DDAH1: variants seen among roughly 807,000 people sequenced by gnomAD.
The protein encoded by DDAH1 is dimethylarginine dimethylaminohydrolase 1.
DDAH1 carries 19 observed loss-of-function variants against 28.8 expected under a neutral mutation model. The ratio of observed to expected loss-of-function variants is 0.66; its 90% confidence interval spans 0.46 to 0.97. DDAH1 has a LOEUF of 0.97. Ranked by LOEUF, DDAH1 falls within the 50% of genes least tolerant of loss-of-function variation. The probability of loss-of-function intolerance (pLI) is 0.00; values close to 1 mark genes in which losing one functional copy is unlikely to be tolerated. For missense variants in DDAH1, 326 were observed against 375.9 expected (o/e 0.87, Z 1.10); for synonymous variants, 153 against 154.4 (o/e 0.99, Z 0.07).
At chr1:85,572,721 G>A (rs1659496304) in intron 1 of DDAH1, among the ~76,000 whole-genome samples, 1 of 152,136 alleles carries the variant, frequency 6.6e-6, no homozygotes, top group African/African-American at 2.4e-5. Flanking sequence ...CTGATTCCTG[G>A]GGCACTTGAG....
intron 1 of DDAH1, among the ~76,000 whole-genome samples, chr1:85,437,232 C>A (rs922737723): frequency 8.5e-5 from 13 of 152,172 alleles, no homozygotes; most frequent in African/African-American, 2.7e-4. Context: ...GGCATGTCCA[C>A]ACAGTGATGA....
chr1:85,346,251 C>G (rs1371622955), intron 4 of DDAH1, among the ~76,000 whole-genome samples: 1 of 152,112 alleles, frequency 6.6e-6, no homozygotes, highest in Non-Finnish European at 1.5e-5. Flanking sequence ...GTAATATGCC[C>G]TTTAAAGAGA....
chr1:85,462,532 T>C (rs1336982960), intron 1 of DDAH1, among the ~76,000 whole-genome samples: 1 of 152,186 alleles, frequency 6.6e-6, no homozygotes, highest in Non-Finnish European at 1.5e-5. Flanking sequence ...AGACATCACA[T>C]GAAAAAAATA....
Position 85,351,586 on chromosome 1 carries a change from T to C in DDAH1, c.404-7A>G, listed in dbSNP as rs376771526. On this transcript the variant is annotated splice_polypyrimidine_tract_variant and splice_region_variant and intron_variant, in intron 2 of 5. Coordinates refer to ENST00000284031, the MANE Select transcript of DDAH1 (RefSeq NM_012137.4). Reference sequence around the variant, plus strand: ...CCCACAAAAAATTCTCTGCCTGTAATAGATGTCATGGAACATAGTGAGCAG... The same window carrying C: ...CCCACAAAAAATTCTCTGCCTGTAACAGATGTCATGGAACATAGTGAGCAG... The C allele has an allele frequency of 1.7e-3, 2,723 of 1,612,422 alleles. 68 individuals are homozygous for C. The South Asian group carries it at 0.027, about 16-fold the overall frequency.
intron 4 of DDAH1, among the ~76,000 whole-genome samples, chr1:85,328,180 C>G (rs12029474): frequency 6.6e-6 from 1 of 152,186 alleles, no homozygotes; most frequent in African/African-American, 2.4e-5. Context: ...GTGGTCCTAA[C>G]TCAAATGACT....
At chr1:85,573,781 T>C (rs980663830) in intron 1 of DDAH1, among the ~76,000 whole-genome samples, 5 of 152,174 alleles carry the variant, frequency 3.3e-5, no homozygotes, top group Non-Finnish European at 5.9e-5. Context: ...TCTTAATAGG[T>C]TATAAATTCC....
At chr1:85,423,796 T>G (rs1019657452) in intron 1 of DDAH1, among the ~76,000 whole-genome samples, 1 of 152,194 alleles carries the variant, frequency 6.6e-6, no homozygotes, top group Admixed American at 6.5e-5. Context: ...TCTTTTCTTA[T>G]TACACTAGCT....
intron 1 of DDAH1, among the ~76,000 whole-genome samples, chr1:85,549,798 T>C (rs1040434883): frequency 3.9e-5 from 6 of 152,216 alleles, no homozygotes; most frequent in Non-Finnish European, 5.9e-5. Flanking sequence ...TTCAATCATA[T>C]AAATTAAATT....
intron 1 of DDAH1, among the ~76,000 whole-genome samples, chr1:85,406,078 T>G (rs920611618): frequency 6.6e-6 from 1 of 152,184 alleles, no homozygotes; most frequent in African/African-American, 2.4e-5. Context: ...CATGGTGGTG[T>G]GCATTATTAT....
intron 2 of DDAH1, chr1:85,493,667 A>G (rs935268008): frequency 3.9e-5 from 6 of 152,214 alleles, no homozygotes; most frequent in Non-Finnish European, 7.3e-5. Flanking sequence ...ATGTGGGCTT[A>G]TACTTGGAGC....
chr1:85,467,987 G>T (rs964756532), upstream of DDAH1, among the ~76,000 whole-genome samples: 8 of 152,204 alleles, frequency 5.3e-5, no homozygotes, highest in Non-Finnish European at 1.0e-4. Context: ...TGGTGGGTGG[G>T]AGTGGAAGAA....
At chr1:85,566,092 A>AC (rs397776495) in intron 1 of DDAH1, among the ~76,000 whole-genome samples, 7 of 151,168 alleles carry the variant, frequency 4.6e-5, no homozygotes, top group African/African-American at 9.7e-5. Context: ...AAAAAAAAAA[A>AC]CAACCAAAAA....
At chr1:85,406,243 T>C (rs755562190) in intron 1 of DDAH1, among the ~76,000 whole-genome samples, 4 of 152,224 alleles carry the variant, frequency 2.6e-5, no homozygotes, top group Non-Finnish European at 4.4e-5. Context: ...ACAGTCCTCA[T>C]AGAGATTTAT....
At position 85,464,720 on chromosome 1, in the gene DDAH1, G is replaced by GC. The variant is rs1655275701; in HGVS notation, c.303+22dup. On this transcript the variant is annotated intron_variant, in intron 1 of 5. Transcript: ENST00000284031. This position sits in a 1 kb window ranked among gnomAD's most constrained non-coding sequence, Gnocchi z 4.4. ...GGAGGGCCTGGCGCGCGCCCCGGCC[G>GC]CGCCCCTCGAGTCGGCAGTTACCTC... The GC allele has an allele frequency of 9.6e-6, 14 of 1,460,554 alleles. No individual in the cohort carries two copies. The South Asian group carries it at 1.9e-4, about 19-fold the overall frequency. The allele number at this position is 1,460,554 out of a possible 1,614,324, so 90.5% of individuals were successfully genotyped here. A position where few individuals can be genotyped will look rare whatever the true frequency, so the allele number is the denominator to read the frequency against.
chr1:85,491,056 T>C (rs914339189), intron 2 of DDAH1, among the ~76,000 whole-genome samples: 2 of 150,386 alleles, frequency 1.3e-5, no homozygotes, highest in African/African-American at 4.9e-5. Context: ...CTTTTTTTTT[T>C]TTTTTTTTTT....
At chr1:85,410,242 C>T (rs1379089426) in intron 1 of DDAH1, among the ~76,000 whole-genome samples, 2 of 152,216 alleles carry the variant, frequency 1.3e-5, no homozygotes, top group South Asian at 2.1e-4. Context: ...GATCATGCCC[C>T]TATACTCCAG....
chr1:85,349,126 T>C (rs776089880), intron 4 of DDAH1, among the ~76,000 whole-genome samples: 1 of 152,220 alleles, frequency 6.6e-6, no homozygotes, highest in Admixed American at 6.5e-5. Context: ...TTTTTTTATA[T>C]GCAAGAAGTT....
At chr1:85,361,053 G>A (rs920960103) in intron 1 of DDAH1, among the ~76,000 whole-genome samples, 8 of 152,194 alleles carry the variant, frequency 5.3e-5, no homozygotes, top group Non-Finnish European at 1.0e-4. Context: ...AAACAGTTTT[G>A]AGAACTGCAG....
intron 2 of DDAH1, among the ~76,000 whole-genome samples, chr1:85,481,313 G>C (rs1037594511): frequency 6.6e-6 from 1 of 151,940 alleles, no homozygotes; most frequent in Non-Finnish European, 1.5e-5. Context: ...GACCAGGCTG[G>C]TCTCGAACTC....
Sources: gnomAD v4.1 joint callset for allele counts (sites outside exome capture counted in the v4.1 genomes callset) on GRCh38, gnomAD v4.1.1 for gene constraint, Gnocchi (gnomAD v3.1) non-coding constraint, MANE v1.5 for transcripts, NCBI Gene and HGNC (gene_info 2026-07-23, HGNC 2026-07-21) for gene names.